The following CTNNBIP1 variants were observed in gnomAD, a reference collection of about 807,000 sequenced individuals.
CTNNBIP1 encodes the protein catenin beta interacting protein 1.
CTNNBIP1 carries 7 observed loss-of-function variants against 11.8 expected under a neutral mutation model. The observed-to-expected ratio is 0.60, with a 90% CI of 0.34 to 1.12. CTNNBIP1 has a LOEUF of 1.12. CTNNBIP1 is among the 50% of genes most tolerant of loss of function. The pLI is 0.03. For synonymous variants in CTNNBIP1, 58 were observed against 43.9 expected (o/e 1.32, Z -1.26); for missense variants, 101 against 113.4 (o/e 0.89, Z 0.50).
In CTNNBIP1 at chr1:9,883,057, T is replaced by C. The variant is rs1312999646; in HGVS notation, c.-110+648A>G. On this transcript the variant is annotated intron_variant, in intron 2 of 5. Transcript: ENST00000377263. This position sits in a 1 kb window ranked among gnomAD's most constrained non-coding sequence, Gnocchi z 5.6. ...CAGCCGCAGGGCAGGGGGCTCCTTC[T>C]GTGGGCACGCAGAGCCAGAGCAGTC... is the stretch of plus-strand genomic sequence containing the variant. Among the ~76,000 whole-genome samples the C allele has an allele frequency of 1.3e-5, 2 of 151,440 alleles. No individual in the cohort carries two copies. Among genetic ancestry groups the C allele is most frequent in the African/African-American group, 4.9e-5 (2 of 41,150 alleles).
intron 2 of CTNNBIP1, among the ~76,000 whole-genome samples, chr1:9,882,880 T>C (rs1639112934): frequency 6.6e-6 from 1 of 152,180 alleles, no homozygotes; most frequent in Non-Finnish European, 1.5e-5. Context: ...AAGTCAGCAC[T>C]ACGGTGAACA....
intron 1 of CTNNBIP1, among the ~76,000 whole-genome samples, chr1:9,895,606 T>C (rs374653997): frequency 4.3e-4 from 65 of 151,802 alleles, no homozygotes; most frequent in African/African-American, 1.5e-3. Flanking sequence ...AGCGATTCCA[T>C]TGCCTCAGTC....
Position 9,871,412 on chromosome 1 carries a change from A to C in CTNNBIP1, c.97-135T>G. 6 of 704,512 alleles carry C rather than the reference A, an allele frequency of 8.5e-6. No homozygotes were observed. Among genetic ancestry groups the C allele is most frequent in the East Asian group, 5.5e-5 (2 of 36,196 alleles). 43.6% of individuals were successfully genotyped at this position (704,512 alleles called of 1,614,324 possible). On this transcript the variant is annotated intron_variant, in intron 4 of 5. Transcript: ENST00000377263. The surrounding 1 kb of genome is among the most constrained non-coding windows in gnomAD (Gnocchi z 5.2). Reference sequence around the variant, plus strand: ...CTCGGGCTTCTGTTTCTGAGATTTGACCCCTTTGCTTTCAGGGCCAGCCCA... The same window carrying C: ...CTCGGGCTTCTGTTTCTGAGATTTGCCCCCTTTGCTTTCAGGGCCAGCCCA...
chr1:9,863,147 A>T (rs753862524), intron 5 of CTNNBIP1, among the ~76,000 whole-genome samples: 4 of 152,132 alleles, frequency 2.6e-5, no homozygotes, highest in Non-Finnish European at 4.4e-5. Flanking sequence ...GGTGCTGAGT[A>T]AGCAGCTGGC....
At chr1:9,864,367 C>G (rs1480956028) in intron 5 of CTNNBIP1, among the ~76,000 whole-genome samples, 1 of 152,194 alleles carries the variant, frequency 6.6e-6, no homozygotes, top group East Asian at 1.9e-4. Context: ...CTCGCTCTGT[C>G]GCCCAGGCTG....
chr1:9,869,965 A>G (rs528726601), intron 5 of CTNNBIP1, among the ~76,000 whole-genome samples: 2 of 152,358 alleles, frequency 1.3e-5, no homozygotes, highest in African/African-American at 4.8e-5. Context: ...ACACCTGGGC[A>G]GACACACCCA....
intron 3 of CTNNBIP1, among the ~76,000 whole-genome samples, chr1:9,876,785 T>C (rs1042149921): frequency 2.0e-5 from 3 of 148,794 alleles, no homozygotes; most frequent in South Asian, 2.1e-4. Flanking sequence ...GCAAATACAA[T>C]GAAAAGACAT....
intron 1 of CTNNBIP1, among the ~76,000 whole-genome samples, chr1:9,907,812 G>A (rs912470497): frequency 6.6e-5 from 10 of 152,228 alleles, no homozygotes; most frequent in Non-Finnish European, 1.2e-4. Context: ...CCACTGCCCC[G>A]ATCCCTCAAG....
intron 2 of CTNNBIP1, among the ~76,000 whole-genome samples, chr1:9,880,149 C>A (rs2101501661): frequency 6.7e-6 from 1 of 150,218 alleles, no homozygotes; most frequent in South Asian, 2.1e-4. Flanking sequence ...CCCCAACAGG[C>A]CCCGGTGTGT....
In CTNNBIP1 at chr1:9,910,178, C is replaced by A. The variant is rs190756141; in HGVS notation, c.-227G>T. The A allele has an allele frequency of 0.033, 4,804 of 147,222 alleles. 263 individuals are homozygous for A. The highest frequency in any genetic ancestry group is 0.11 in the African/African-American group (4,581 of 41,062). The allele number at this position is 147,222 out of a possible 1,614,324, so 9.1% of individuals were successfully genotyped here. A position where few individuals can be genotyped will look rare whatever the true frequency, so the allele number is the denominator to read the frequency against. Reference sequence around the variant, plus strand: ...GCGGCCTGTTCCGGGGCGTGCTCAGCCCGAGCAGCCGCTGCGGCGGCGGCA... The same window carrying A: ...GCGGCCTGTTCCGGGGCGTGCTCAGACCGAGCAGCCGCTGCGGCGGCGGCA... On this transcript the variant is annotated 5_prime_UTR_variant, in exon 1 of 6. Coordinates refer to ENST00000377263, the MANE Select transcript of CTNNBIP1 (RefSeq NM_020248.3).
At chr1:9,886,714 G>C (rs1175704596) in intron 1 of CTNNBIP1, among the ~76,000 whole-genome samples, 2 of 152,144 alleles carry the variant, frequency 1.3e-5, no homozygotes, top group Non-Finnish European at 2.9e-5. Flanking sequence ...CAAGTACCTG[G>C]GTAAAAAGTC....
At chr1:9,892,267 A>T (rs1028695190) in intron 1 of CTNNBIP1, among the ~76,000 whole-genome samples, 8 of 149,484 alleles carry the variant, frequency 5.4e-5, no homozygotes, top group Non-Finnish European at 9.0e-5. Flanking sequence ...CTAAAAATAC[A>T]AAAAATTAGC....
intron 1 of CTNNBIP1, among the ~76,000 whole-genome samples, chr1:9,887,704 G>GAA (rs1359475225): frequency 8.7e-4 from 119 of 137,566 alleles, no homozygotes; most frequent in African/African-American, 2.7e-3. Context: ...TCCGTCTCAA[G>GAA]AAAAAAAAAA....
In CTNNBIP1 at chr1:9,883,142, C is replaced by G. The variant is rs115560799; in HGVS notation, c.-110+563G>C. Among the ~76,000 whole-genome samples the G allele has an allele frequency of 6.6e-6, 1 of 152,038 alleles. No homozygotes were observed. The highest frequency in any genetic ancestry group is 1.9e-4 in the East Asian group (1 of 5,168). On this transcript the variant is annotated intron_variant, in intron 2 of 5. Transcript: ENST00000377263. This position sits in a 1 kb window ranked among gnomAD's most constrained non-coding sequence, Gnocchi z 5.6. ...CGGCGCAGGAGGGTAGGTCAGGGAC[C>G]GGGGGAGCCTCTCTCTGGAAGGAAG...
At chr1:9,885,314 G>A (rs1639164015) in intron 1 of CTNNBIP1, among the ~76,000 whole-genome samples, 1 of 152,116 alleles carries the variant, frequency 6.6e-6, no homozygotes, top group African/African-American at 2.4e-5. Flanking sequence ...GGACAATCAC[G>A]AGCTGAATTT....
intron 5 of CTNNBIP1, among the ~76,000 whole-genome samples, chr1:9,866,171 T>C (rs1220412): frequency 0.32 from 48,801 of 152,100 alleles, 10,651 homozygotes; most frequent in African/African-American, 0.62. Context: ...GTAGCACAGC[T>C]GAGGTACATG....
Position 9,882,146 on chromosome 1 carries a change from T to A in CTNNBIP1, c.-110+1559A>T, listed in dbSNP as rs537190417. ...AGGCAGGGGAGAGGCTGGCTGCCAA[T>A]GGCTCCAGGGAGAAGTCACTGGAGC... On this transcript the variant is annotated intron_variant, in intron 2 of 5. Transcript: ENST00000377263. Among the ~76,000 whole-genome samples the A allele has an allele frequency of 9.2e-4, 140 of 152,178 alleles. 1 individual carries two copies. Among genetic ancestry groups the A allele is most frequent in the African/African-American group, 3.2e-3 (133 of 41,508 alleles).
chr1:9,909,514 G>A (rs1293006193), intron 1 of CTNNBIP1, among the ~76,000 whole-genome samples: 1 of 152,152 alleles, frequency 6.6e-6, no homozygotes, highest in South Asian at 2.1e-4. Flanking sequence ...AGGTGGTTGG[G>A]GTGGGGTGAT....
At position 9,871,191 on chromosome 1, in the gene CTNNBIP1, G is replaced by T; in HGVS notation, c.183C>A (p.Asp61Glu). ...QLSQLPPHSIDQGAEDVVMAF... is the reference protein window; with the variant it reads ...QLSQLPPHSIEQGAEDVVMAF... ...GCCCCTCTGCCGCCAACTCACCCTG[G>T]TCGATGGAGTGCGGAGGCAGCTGGC... Residue 61 changes from aspartate (D) to glutamate (E), a missense_variant, in exon 5 of 6, where the codon GAC becomes GAA. By Grantham distance (45) the Asp-to-Glu change is conservative. Transcript: ENST00000377263. The surrounding 1 kb of genome is among the most constrained non-coding windows in gnomAD (Gnocchi z 5.2). 6.4e-7 allele frequency: 1 copy of T among 1,570,220 alleles called. No individual in the cohort carries two copies.
Sources: gnomAD v4.1 joint callset for allele counts (sites outside exome capture counted in the v4.1 genomes callset) on GRCh38, gnomAD v4.1.1 for gene constraint, Gnocchi (gnomAD v3.1) non-coding constraint, MANE v1.5 for transcripts, NCBI Gene and HGNC (gene_info 2026-07-23, HGNC 2026-07-21) for gene names.